Variants in QTMAN observed in about 807,000 individuals in gnomAD.
QTMAN encodes tRNA-queuosine alpha-mannosyltransferase.
the QTMAN span, among the ~76,000 whole-genome samples, chr2:144,147,587 C>T: frequency 6.6e-6 from 1 of 151,764 alleles, no homozygotes; most frequent in Non-Finnish European, 1.5e-5. Context: ...TCTTACTATG[C>T]CCATCCCTGA....
At chr2:143,955,940 G>A in the QTMAN span, among the ~76,000 whole-genome samples, 1 of 152,186 alleles carries the variant, frequency 6.6e-6, no homozygotes, top group East Asian at 1.9e-4. Context: ...CTAAGTAAAT[G>A]AGCCAGCGTG....
At chr2:144,112,547 T>C in the QTMAN span, among the ~76,000 whole-genome samples, 1 of 152,218 alleles carries the variant, frequency 6.6e-6, no homozygotes, top group Non-Finnish European at 1.5e-5. Context: ...AGCAAAGGGA[T>C]GGTAACAGCA....
the QTMAN span, among the ~76,000 whole-genome samples, chr2:144,031,222 G>T: frequency 6.6e-6 from 1 of 151,688 alleles, no homozygotes; most frequent in South Asian, 2.1e-4. Context: ...GTGGTTCTAA[G>T]TTGCCACCAG....
At chr2:144,301,194 T>C in the QTMAN span, among the ~76,000 whole-genome samples, 162 of 152,260 alleles carry the variant, frequency 1.1e-3, 2 homozygotes, top group East Asian at 0.023. Context: ...GTAAAAAAGA[T>C]GTACCTTTTT....
the QTMAN span, among the ~76,000 whole-genome samples, chr2:143,984,474 C>T: frequency 2.0e-5 from 3 of 152,162 alleles, no homozygotes; most frequent in Non-Finnish European, 4.4e-5. Context: ...ACAGGGATTG[C>T]AGGTTGCTGG....
At chr2:144,130,991 A>G in the QTMAN span, among the ~76,000 whole-genome samples, 1 of 152,016 alleles carries the variant, frequency 6.6e-6, no homozygotes, top group Non-Finnish European at 1.5e-5. Flanking sequence ...AGAGTTGAAA[A>G]GATCTGATGG....
the QTMAN span, among the ~76,000 whole-genome samples, chr2:144,096,889 AT>A: frequency 2.0e-5 from 3 of 152,240 alleles, no homozygotes; most frequent in African/African-American, 7.2e-5. Context: ...AGTTGGACTT[AT>A]TGTCAGCCAA....
At chr2:144,004,814 AT>A in the QTMAN span, among the ~76,000 whole-genome samples, 2 of 151,972 alleles carry the variant, frequency 1.3e-5, no homozygotes, top group African/African-American at 2.4e-5. Context: ...ATTGCCAGTC[AT>A]TTATCTGTTG....
chr2:144,134,021 G>C, the QTMAN span, among the ~76,000 whole-genome samples: 2 of 152,098 alleles, frequency 1.3e-5, no homozygotes, highest in South Asian at 4.1e-4. Context: ...GTGGTAAGAA[G>C]ATTAAGGTGT....
the QTMAN span, among the ~76,000 whole-genome samples, chr2:144,057,765 A>C: frequency 1.1e-4 from 17 of 152,348 alleles, no homozygotes; most frequent in Admixed American, 1.3e-4. Flanking sequence ...CCAAGAAATA[A>C]TGTGAAGAAA....
At chr2:144,100,859 C>CTTTTTTTTTTTTTTTTT in the QTMAN span, among the ~76,000 whole-genome samples, 25 of 77,924 alleles carry the variant, frequency 3.2e-4, 1 homozygote, top group Admixed American at 4.5e-4. Flanking sequence ...GTCTTTCTTT[C>CTTTTTTTTTTTTTTTTT]TTTTTTTTTT....
At chr2:144,273,293 A>G in the QTMAN span, among the ~76,000 whole-genome samples, 1 of 152,234 alleles carries the variant, frequency 6.6e-6, no homozygotes, top group Admixed American at 6.5e-5. Context: ...TTTCTAGAAA[A>G]CTTCTCCAGG....
the QTMAN span, among the ~76,000 whole-genome samples, chr2:144,066,529 G>A: frequency 5.3e-5 from 8 of 152,178 alleles, no homozygotes; most frequent in Admixed American, 5.2e-4. Context: ...AAATGACCAA[G>A]CACTGGCCAG....
the QTMAN span, among the ~76,000 whole-genome samples, chr2:144,290,737 C>T: frequency 7.9e-5 from 12 of 152,348 alleles, no homozygotes; most frequent in African/African-American, 2.9e-4. Flanking sequence ...CAAATATCCT[C>T]ATGGCTTATT....
the QTMAN span, among the ~76,000 whole-genome samples, chr2:144,216,509 C>T: frequency 6.6e-6 from 1 of 152,182 alleles, no homozygotes; most frequent in East Asian, 1.9e-4. Flanking sequence ...AAGTGTCAGA[C>T]AGCACTGTAC....
At chr2:144,188,843 C>T in the QTMAN span, among the ~76,000 whole-genome samples, 5 of 152,096 alleles carry the variant, frequency 3.3e-5, no homozygotes, top group Admixed American at 3.3e-4. Flanking sequence ...AACAATCTGT[C>T]CAATTAGTGT....
chr2:144,326,336 C>T, the QTMAN span, among the ~76,000 whole-genome samples: 1 of 152,122 alleles, frequency 6.6e-6, no homozygotes, highest in South Asian at 2.1e-4. Flanking sequence ...GCCTGTAATC[C>T]CAGCACTTTG....
At chr2:144,046,504 C>G in the QTMAN span, among the ~76,000 whole-genome samples, 1 of 152,176 alleles carries the variant, frequency 6.6e-6, no homozygotes, top group South Asian at 2.1e-4. Flanking sequence ...TCTTGAATAG[C>G]TGGAACTATG....
the QTMAN span, among the ~76,000 whole-genome samples, chr2:144,151,065 C>T: frequency 6.6e-6 from 1 of 152,068 alleles, no homozygotes; most frequent in Non-Finnish European, 1.5e-5. Context: ...TGAAAATAAT[C>T]TTGGTTTTGT....
Sources: gnomAD v4.1 joint callset for allele counts (sites outside exome capture counted in the v4.1 genomes callset) on GRCh38, gnomAD v4.1.1 for gene constraint, MANE v1.5 for transcripts, NCBI Gene and HGNC (gene_info 2026-07-23, HGNC 2026-07-21) for gene names.